CRADD: variants seen among roughly 807,000 people sequenced by gnomAD.
CRADD encodes death domain-containing protein CRADD.
Under a neutral mutation model 15.5 loss-of-function variants are expected in CRADD, and 9 were observed. The ratio of observed to expected loss-of-function variants is 0.58; its 90% CI spans 0.35 to 1.01. The LOEUF (loss-of-function observed/expected upper bound fraction) is 1.01, where lower values mean the gene tolerates loss of function less well. Ranked by LOEUF, CRADD falls within the 50% of genes least tolerant of loss-of-function variation. The probability of loss-of-function intolerance (pLI) is 0.02; values close to 1 mark genes in which losing one functional copy is unlikely to be tolerated. For synonymous variants in CRADD, 118 were observed against 107.6 expected (o/e 1.10, Z -0.60); for missense variants, 227 against 250.3 (o/e 0.91, Z 0.63).
chr12:93,776,596 A>G (rs1957143036), intron 2 of CRADD, among the ~76,000 whole-genome samples: 1 of 152,198 alleles, frequency 6.6e-6, no homozygotes, highest in South Asian at 2.1e-4. Context: ...AAACAGAAAC[A>G]CAGGTTCACA....
intron 2 of CRADD, among the ~76,000 whole-genome samples, chr12:93,748,901 T>C (rs1352234331): frequency 6.6e-6 from 1 of 152,218 alleles, no homozygotes; most frequent in South Asian, 2.1e-4. Flanking sequence ...GGCCAGGGCC[T>C]AGCAGGAGTA....
chr12:93,732,093 A>T (rs955395655), intron 2 of CRADD, among the ~76,000 whole-genome samples: 47 of 151,438 alleles, frequency 3.1e-4, no homozygotes, highest in African/African-American at 1.1e-3. Flanking sequence ...CCGAGATGGC[A>T]CCATTGCACT....
intron 2 of CRADD, among the ~76,000 whole-genome samples, chr12:93,823,491 A>G (rs1957791410): frequency 6.6e-6 from 1 of 152,132 alleles, no homozygotes; most frequent in African/African-American, 2.4e-5. Flanking sequence ...TACTTCTACT[A>G]ATGTTGTACT....
At chr12:93,737,186 A>C (rs938507259) in intron 2 of CRADD, among the ~76,000 whole-genome samples, 7 of 152,198 alleles carry the variant, frequency 4.6e-5, no homozygotes, top group African/African-American at 1.7e-4. Context: ...GGAGATGTGG[A>C]CCCATATATT....
At chr12:93,859,809 C>T (rs1158945853) in intron 2 of CRADD, among the ~76,000 whole-genome samples, 1 of 152,066 alleles carries the variant, frequency 6.6e-6, no homozygotes, top group African/African-American at 2.4e-5. Flanking sequence ...ACTGCAACCT[C>T]AGCCTCTCGG....
intron 2 of CRADD, among the ~76,000 whole-genome samples, chr12:93,876,660 C>T (rs1452823632): frequency 6.6e-6 from 1 of 152,012 alleles, no homozygotes; most frequent in Non-Finnish European, 1.5e-5. Context: ...AGAATTTTTG[C>T]TTGATTCTTC....
intron 2 of CRADD, among the ~76,000 whole-genome samples, chr12:93,819,817 T>C (rs1182035849): frequency 2.0e-5 from 3 of 152,224 alleles, no homozygotes; most frequent in African/African-American, 7.2e-5. Context: ...TTTCTTTTCA[T>C]ATTAGAGTTA....
At chr12:93,801,760 G>T (rs904779923) in intron 2 of CRADD, among the ~76,000 whole-genome samples, 3 of 152,076 alleles carry the variant, frequency 2.0e-5, no homozygotes, top group Non-Finnish European at 4.4e-5. Flanking sequence ...ACATGGATAA[G>T]TTCTTTAGTG....
intron 2 of CRADD, among the ~76,000 whole-genome samples, chr12:93,828,645 A>G (rs1957854094): frequency 6.6e-6 from 1 of 152,222 alleles, no homozygotes; most frequent in South Asian, 2.1e-4. Flanking sequence ...AGGTTTCCAC[A>G]TGGGTGTAAA....
At chr12:93,856,036 G>C (rs904159740) in intron 2 of CRADD, among the ~76,000 whole-genome samples, 1 of 152,178 alleles carries the variant, frequency 6.6e-6, no homozygotes, top group South Asian at 2.1e-4. Context: ...TCAATCTCTT[G>C]ACCTCGTGAT....
At chr12:93,678,213 G>A (rs1955202221) in intron 1 of CRADD, among the ~76,000 whole-genome samples, 2 of 152,140 alleles carry the variant, frequency 1.3e-5, no homozygotes, top group African/African-American at 2.4e-5. Context: ...TCGTGTAGAG[G>A]ACTTTTAGCG....
intron 2 of CRADD, among the ~76,000 whole-genome samples, chr12:93,728,010 T>C (rs1282739404): frequency 1.3e-5 from 2 of 152,330 alleles, no homozygotes; most frequent in East Asian, 3.9e-4. Context: ...CGTGTTACTA[T>C]ATGCAACTTG....
At chr12:93,892,901 T>C (rs896602750) in intron 2 of CRADD, among the ~76,000 whole-genome samples, 1 of 152,156 alleles carries the variant, frequency 6.6e-6, no homozygotes, top group African/African-American at 2.4e-5. Context: ...CGAAGCTGTT[T>C]TTGTTTTCCT....
At chr12:93,781,678 C>G (rs1957212058) in intron 2 of CRADD, among the ~76,000 whole-genome samples, 1 of 152,184 alleles carries the variant, frequency 6.6e-6, no homozygotes, top group Non-Finnish European at 1.5e-5. Flanking sequence ...CATCCCCTCC[C>G]TCAACGAGGC....
intron 2 of CRADD, among the ~76,000 whole-genome samples, chr12:93,754,028 C>T (rs1174606405): frequency 1.3e-5 from 2 of 152,262 alleles, no homozygotes; most frequent in African/African-American, 4.8e-5. Flanking sequence ...CATACCTCTG[C>T]CTGGACATCC....
intron 2 of CRADD, among the ~76,000 whole-genome samples, chr12:93,855,809 A>G (rs1452798789): frequency 6.6e-6 from 1 of 152,150 alleles, no homozygotes; most frequent in Non-Finnish European, 1.5e-5. Context: ...TTTGGCTATC[A>G]GAGTTTTTCT....
At chr12:93,722,123 G>A (rs1956276491) in intron 2 of CRADD, among the ~76,000 whole-genome samples, 1 of 152,152 alleles carries the variant, frequency 6.6e-6, no homozygotes, top group African/African-American at 2.4e-5. Context: ...AGAATTCTAA[G>A]TTGGTGGGTT....
chr12:93,744,422 T>C (rs529078347), intron 2 of CRADD, among the ~76,000 whole-genome samples: 10 of 152,318 alleles, frequency 6.6e-5, no homozygotes, highest in African/African-American at 2.4e-4. Context: ...CTTCCCCTAA[T>C]GTGTTTCTCT....
chr12:93,827,055 C>T (rs1213771133), intron 2 of CRADD, among the ~76,000 whole-genome samples: 1 of 152,080 alleles, frequency 6.6e-6, no homozygotes, highest in African/African-American at 2.4e-5. Flanking sequence ...CCAAAAAAAC[C>T]CCCAGCTTTA....
Sources: allele counts gnomAD v4.1 joint callset (sites outside exome capture counted in the v4.1 genomes callset), GRCh38; gene constraint gnomAD v4.1.1; transcripts MANE v1.5; gene names NCBI Gene and HGNC (gene_info 2026-07-23, HGNC 2026-07-21).